RAB27A: variants seen among roughly 807,000 people sequenced by gnomAD.
RAB27A encodes RAB27A, member RAS oncogene family.
In RAB27A, 17 loss-of-function variants were observed where a neutral mutation model predicts 20.8. The ratio of observed to expected loss-of-function variants is 0.82; its 90% CI spans 0.56 to 1.23. RAB27A has a LOEUF of 1.23. RAB27A is among the 50% of genes most tolerant of loss of function. The pLI is 0.00. For synonymous variants in RAB27A, 85 were observed against 92.8 expected, an observed-to-expected ratio of 0.92 and a Z score of 0.48; for missense variants, 277 against 266.7, an observed-to-expected ratio of 1.04 and a Z score of -0.27.
chr15:55,266,034 G>T (rs1312790757), intron 2 of RAB27A, among the ~76,000 whole-genome samples: 1 of 152,198 alleles, frequency 6.6e-6, no homozygotes, highest in Non-Finnish European at 1.5e-5. Flanking sequence ...AGCATCAGAA[G>T]GCTCTAATGT....
intron 2 of RAB27A, among the ~76,000 whole-genome samples, chr15:55,302,985 G>C (rs1024340650): frequency 1.4e-5 from 2 of 142,716 alleles, no homozygotes; most frequent in Non-Finnish European, 3.0e-5. Context: ...AGGGAGGTGG[G>C]GGGGGGTCAA....
intron 2 of RAB27A, among the ~76,000 whole-genome samples, chr15:55,241,624 A>ATATATATATATG (rs377301086): frequency 9.3e-5 from 11 of 117,666 alleles, no homozygotes; most frequent in African/African-American, 2.2e-4. Context: ...ATATATATAT[A>ATATATATATATG]TGTGTGTATA....
chr15:55,296,680 T>C (rs2054950846), intron 2 of RAB27A, among the ~76,000 whole-genome samples: 1 of 128,278 alleles, frequency 7.8e-6, no homozygotes, highest in Non-Finnish European at 1.8e-5. Context: ...TAATTTTGCT[T>C]TTTTTTTGGC....
chr15:55,206,578 A>C (rs1402164629), intron 6 of RAB27A, among the ~76,000 whole-genome samples: 1 of 152,168 alleles, frequency 6.6e-6, no homozygotes, highest in East Asian at 1.9e-4. Flanking sequence ...CCTGAGCTCA[A>C]GCTACCCACC....
At chr15:55,290,292 G>T (rs1251547573), upstream of RAB27A, 2 of 152,224 alleles carry the variant, frequency 1.3e-5, no homozygotes, top group East Asian at 3.9e-4. Flanking sequence ...GGCTCCTGAG[G>T]CGGCGTCCCA....
chr15:55,309,955 CTTTAG>C (rs576004384), intron 2 of RAB27A, among the ~76,000 whole-genome samples: 1 of 151,922 alleles, frequency 6.6e-6, no homozygotes, highest in South Asian at 2.1e-4. Flanking sequence ...AGGCAGAATC[CTTTAG>C]TTTAACTCGA....
intron 2 of RAB27A, among the ~76,000 whole-genome samples, chr15:55,268,406 T>A (rs763979517): frequency 6.6e-6 from 1 of 152,224 alleles, no homozygotes; most frequent in Non-Finnish European, 1.5e-5. Context: ...AATTTCTTCA[T>A]CTGTAAAATG....
chr15:55,271,829 C>G (rs528226693), intron 1 of RAB27A, among the ~76,000 whole-genome samples: 21 of 152,160 alleles, frequency 1.4e-4, no homozygotes, highest in Non-Finnish European at 2.6e-4. Flanking sequence ...AAGACTCAAT[C>G]TGTCCAATCT....
At chr15:55,271,946 C>T (rs1013914375) in intron 1 of RAB27A, among the ~76,000 whole-genome samples, 8 of 152,184 alleles carry the variant, frequency 5.3e-5, no homozygotes, top group African/African-American at 1.9e-4. Flanking sequence ...TTTCGTTTCA[C>T]ACCTGACGAA....
At chr15:55,301,943 G>A (rs2054973916) in intron 2 of RAB27A, among the ~76,000 whole-genome samples, 1 of 151,882 alleles carries the variant, frequency 6.6e-6, no homozygotes, top group South Asian at 2.1e-4. Flanking sequence ...ACCATGCCCA[G>A]TTCATCACCC....
upstream of RAB27A, among the ~76,000 whole-genome samples, chr15:55,293,186 A>G (rs1298479710): frequency 2.0e-5 from 3 of 152,170 alleles, no homozygotes; most frequent in African/African-American, 7.2e-5. Context: ...GTAAGAATTC[A>G]TGGATTTTAA....
At chr15:55,228,889 C>T (rs1895923639) in intron 4 of RAB27A, among the ~76,000 whole-genome samples, 177 bp from the exon 5 acceptor site, 2 of 152,076 alleles carry the variant, frequency 1.3e-5, no homozygotes, top group African/African-American at 4.8e-5. Flanking sequence ...TGTTAACAGA[C>T]CATGTGATTT....
At chr15:55,287,701 C>G (rs1425544347) in intron 1 of RAB27A, among the ~76,000 whole-genome samples, 1 of 151,490 alleles carries the variant, frequency 6.6e-6, no homozygotes, top group Non-Finnish European at 1.5e-5. Flanking sequence ...GAGCTGAGAT[C>G]GTGCCATTGC....
At chr15:55,252,716 CTATA>C (rs1896935812) in intron 2 of RAB27A, among the ~76,000 whole-genome samples, 1 of 150,914 alleles carries the variant, frequency 6.6e-6, no homozygotes, top group African/African-American at 2.5e-5. Context: ...ATCTATCTAT[CTATA>C]TACAAAAAAA....
At chr15:55,209,863 CATATAT>C (rs1458419487) in intron 6 of RAB27A, among the ~76,000 whole-genome samples, 4 of 18,438 alleles carry the variant, frequency 2.2e-4, no homozygotes, top group Non-Finnish European at 4.2e-4. Context: ...TGTGTATATA[CATATAT>C]ACATATATGT....
intron 2 of RAB27A, among the ~76,000 whole-genome samples, chr15:55,300,168 T>C (rs901292404): frequency 5.9e-5 from 9 of 152,180 alleles, no homozygotes; most frequent in African/African-American, 2.2e-4. Context: ...GAAAGTATCT[T>C]TGTATTTAGG....
At position 55,205,568 on chromosome 15, in the gene RAB27A, T is replaced by C; in HGVS notation, c.605A>G (p.Asn202Ser). Residue 202 changes from asparagine to serine, a missense_variant, in exon 7 of 7, where the codon AAT becomes AGT. Coordinates refer to ENST00000336787, the MANE Select transcript of RAB27A (RefSeq NM_183235.3). ...SWIPEGVVRSNGHASTDQLSE... is the reference protein window; with the variant it reads ...SWIPEGVVRSSGHASTDQLSE... ...TAACTGATCCGTAGAGGCATGACCA[T>C]TTGATCGCACCACTCCTTCAGGAAT... 1 of 1,614,178 alleles carries C rather than the reference T, an allele frequency of 6.2e-7. No homozygotes were observed. Among genetic ancestry groups the C allele is most frequent in the Admixed American group, 1.7e-5 (1 of 60,034 alleles).
chr15:55,218,277 T>C (rs1895407792), intron 6 of RAB27A, among the ~76,000 whole-genome samples: 1 of 152,236 alleles, frequency 6.6e-6, no homozygotes, highest in South Asian at 2.1e-4. Flanking sequence ...GCTGACTGTT[T>C]GAACCTGGGA....
chr15:55,297,325 G>A (rs868023190), intron 2 of RAB27A, among the ~76,000 whole-genome samples: 2 of 152,250 alleles, frequency 1.3e-5, no homozygotes, highest in Non-Finnish European at 2.9e-5. Context: ...GATGCATGAA[G>A]GACATGAGAG....
Sources: allele counts gnomAD v4.1 joint callset (sites outside exome capture counted in the v4.1 genomes callset), GRCh38; gene constraint gnomAD v4.1.1; transcripts MANE v1.5; gene names NCBI Gene and HGNC (gene_info 2026-07-23, HGNC 2026-07-21).